ADGRL3: variants seen among roughly 807,000 people sequenced by gnomAD.
The protein encoded by ADGRL3 is adhesion G protein-coupled receptor L3, also known as calcium-independent alpha-latrotoxin receptor 3.
In ADGRL3, 62 loss-of-function variants were observed where a neutral mutation model predicts 153.5. The ratio of observed to expected loss-of-function variants is 0.40; its 90% CI spans 0.33 to 0.50. The LOEUF (loss-of-function observed/expected upper bound fraction) is 0.50. Among genes scored for constraint, ADGRL3 ranks in the 20% least tolerant of loss-of-function variants. The pLI is 0.47. For synonymous variants in ADGRL3, 710 were observed against 672.5 expected, an observed-to-expected ratio of 1.06 and a Z score of -0.86; for missense variants, 1,641 against 1,859.4, an observed-to-expected ratio of 0.88 and a Z score of 2.16.
intron 6 of ADGRL3, among the ~76,000 whole-genome samples, chr4:61,684,486 T>G (rs1362395306): frequency 6.6e-6 from 1 of 151,938 alleles, no homozygotes; most frequent in African/African-American, 2.4e-5. Context: ...TGAAATCCAG[T>G]AGTGGAGTAT....
chr4:61,776,067 A>AT (rs1318886689), intron 8 of ADGRL3, among the ~76,000 whole-genome samples: 2 of 151,694 alleles, frequency 1.3e-5, no homozygotes, highest in African/African-American at 2.4e-5. Flanking sequence ...CACCCGGCTA[A>AT]TTTTTTGTAT....
rs192527735 is a variant in ADGRL3 at position 61,341,710 on chromosome 4, G to A, written c.-239-41414G>A. Among the ~76,000 whole-genome samples the A allele has an allele frequency of 3.0e-4, 45 of 151,944 alleles. 1 individual carries two copies. The East Asian group carries it at 7.7e-3, about 26-fold the overall frequency. On this transcript the variant is annotated intron_variant, in intron 1 of 26. Transcript: ENST00000683033. Reference sequence around the variant, plus strand: ...ATTCATTCTTTTCATCAGTCCCATAGTAGTTTCTATATGCAAGGCCCACAA... The same window carrying A: ...ATTCATTCTTTTCATCAGTCCCATAATAGTTTCTATATGCAAGGCCCACAA...
At chr4:61,996,206 C>T (rs1442384788) in intron 19 of ADGRL3, 85 bp from the exon 20 acceptor site, 1 of 804,874 alleles carries the variant, frequency 1.2e-6, no homozygotes, top group African/African-American at 1.7e-5. Flanking sequence ...TTGCAGCTCA[C>T]ATTCTTCTCT....
intron 4 of ADGRL3, among the ~76,000 whole-genome samples, chr4:61,528,262 ATTC>A (rs1189294043): frequency 3.3e-5 from 5 of 152,166 alleles, no homozygotes; most frequent in Admixed American, 2.0e-4. Context: ...TAGTGATTCT[ATTC>A]TTCTCTCTTT....
At chr4:61,236,922 T>C (rs1753073079) in intron 1 of ADGRL3, among the ~76,000 whole-genome samples, 1 of 152,232 alleles carries the variant, frequency 6.6e-6, no homozygotes, top group Admixed American at 6.5e-5. Context: ...AACAAGGCTA[T>C]GAATTTGACT....
At chr4:61,537,611 G>C (rs1579402498) in intron 4 of ADGRL3, among the ~76,000 whole-genome samples, 1 of 151,616 alleles carries the variant, frequency 6.6e-6, no homozygotes, top group East Asian at 1.9e-4. Flanking sequence ...CAAAAGACAG[G>C]GCTCCAATGT....
chr4:61,261,213 A>G (rs2092490527), intron 1 of ADGRL3, among the ~76,000 whole-genome samples: 1 of 136,184 alleles, frequency 7.3e-6, no homozygotes, highest in African/African-American at 2.8e-5. Flanking sequence ...TTTTTTTTTA[A>G]AGGAGACAAG....
At chr4:61,496,883 G>A (rs954022635) in intron 2 of ADGRL3, among the ~76,000 whole-genome samples, 1 of 151,376 alleles carries the variant, frequency 6.6e-6, no homozygotes, top group African/African-American at 2.4e-5. Context: ...GGAGCTTGCA[G>A]TGAGCCGAGA....
At chr4:61,994,302 C>T (rs559511866) in intron 19 of ADGRL3, among the ~76,000 whole-genome samples, 7 of 152,128 alleles carry the variant, frequency 4.6e-5, no homozygotes, top group African/African-American at 1.7e-4. Context: ...CATGCATCAC[C>T]ATCCCCAGCT....
intron 2 of ADGRL3, among the ~76,000 whole-genome samples, chr4:61,396,800 G>A (rs2096873553): frequency 6.6e-6 from 1 of 151,632 alleles, no homozygotes; most frequent in Admixed American, 6.6e-5. Context: ...CTAATAACAT[G>A]TATTTTCATA....
chr4:61,607,043 C>T (rs2099035043), intron 5 of ADGRL3, among the ~76,000 whole-genome samples: 2 of 152,086 alleles, frequency 1.3e-5, no homozygotes, highest in South Asian at 2.1e-4. Flanking sequence ...CTAGCCTTGC[C>T]ATGAAGAAGA....
At chr4:61,568,718 T>C (rs367578039) in intron 4 of ADGRL3, among the ~76,000 whole-genome samples, 4 of 152,198 alleles carry the variant, frequency 2.6e-5, no homozygotes, top group Non-Finnish European at 5.9e-5. Flanking sequence ...AATTCTGCAC[T>C]ATTTGATCCT....
chr4:62,052,143 C>T (rs1182855097), intron 25 of ADGRL3, among the ~76,000 whole-genome samples: 2 of 151,496 alleles, frequency 1.3e-5, no homozygotes, highest in Non-Finnish European at 3.0e-5. Flanking sequence ...GATCACATGA[C>T]TATTAAAGGC....
At chr4:61,675,693 T>C (rs947653783) in intron 5 of ADGRL3, among the ~76,000 whole-genome samples, 9 of 140,214 alleles carry the variant, frequency 6.4e-5, no homozygotes, top group African/African-American at 2.3e-4. Context: ...ACATAGTCAA[T>C]GTGTATATTC....
intron 2 of ADGRL3, among the ~76,000 whole-genome samples, chr4:61,388,158 G>A (rs2096761115): frequency 6.6e-6 from 1 of 152,066 alleles, no homozygotes; most frequent in Non-Finnish European, 1.5e-5. Context: ...GAGATAAAGA[G>A]CTCAAATTTT....
intron 14 of ADGRL3, among the ~76,000 whole-genome samples, 170 bp from the exon 15 acceptor site, chr4:61,935,753 T>A (rs2098835705): frequency 6.6e-6 from 1 of 152,222 alleles, no homozygotes. Flanking sequence ...CTTTTTTGCA[T>A]TATTTTGATA....
intron 23 of ADGRL3, among the ~76,000 whole-genome samples, chr4:62,033,821 AACTC>A (rs1723512855): frequency 6.6e-6 from 1 of 151,786 alleles, no homozygotes. Flanking sequence ...TTTTTTTACT[AACTC>A]ATTAAGAAGT....
chr4:61,837,002 A>T (rs1387899182), intron 9 of ADGRL3, among the ~76,000 whole-genome samples: 1 of 152,154 alleles, frequency 6.6e-6, no homozygotes, highest in Non-Finnish European at 1.5e-5. Context: ...TTGGTGTTTC[A>T]TATAGGATAT....
intron 5 of ADGRL3, among the ~76,000 whole-genome samples, chr4:61,605,094 A>C (rs2099027165): frequency 7.2e-6 from 1 of 139,666 alleles, no homozygotes; most frequent in African/African-American, 2.6e-5. Context: ...TGTCTCAAAA[A>C]AAAAAAAAAA....
Sources: gnomAD v4.1 joint callset for allele counts (sites outside exome capture counted in the v4.1 genomes callset) on GRCh38, gnomAD v4.1.1 for gene constraint, MANE v1.5 for transcripts, NCBI Gene and HGNC (gene_info 2026-07-23, HGNC 2026-07-21) for gene names.